The following CLMN variants were observed in gnomAD, a reference collection of about 807,000 sequenced individuals.
CLMN encodes calmin (calponin-like, transmembrane).
CLMN carries 57 observed loss-of-function variants against 92.7 expected under a neutral mutation model. The ratio of observed to expected loss-of-function variants is 0.61; its 90% CI spans 0.50 to 0.77. CLMN has a LOEUF of 0.77. CLMN is among the 30% of genes least tolerant of loss of function. The pLI is 0.00. For synonymous variants in CLMN, 466 were observed against 470.6 expected, an observed-to-expected ratio of 0.99 and a Z score of 0.13; for missense variants, 1,158 against 1,237.5, an observed-to-expected ratio of 0.94 and a Z score of 0.96.
At chr14:95,195,770 A>G (rs530331290) in intron 10 of CLMN, among the ~76,000 whole-genome samples, 18 of 152,048 alleles carry the variant, frequency 1.2e-4, no homozygotes, top group African/African-American at 4.3e-4. Flanking sequence ...TCCTGGGCAC[A>G]GTAAGGGCTT....
At chr14:95,209,518 C>T in intron 7 of CLMN, 41 bp from the exon 8 acceptor site, 1 of 1,461,824 alleles carries the variant, frequency 6.8e-7, no homozygotes, top group Non-Finnish European at 9.6e-7. Flanking sequence ...GATACAAACA[C>T]ACACGCTTTC....
At chr14:95,215,148 A>G (rs142801311) in intron 5 of CLMN, among the ~76,000 whole-genome samples, 31 of 152,296 alleles carry the variant, frequency 2.0e-4, no homozygotes, top group African/African-American at 7.2e-4. Flanking sequence ...TCTTATTCCA[A>G]TCACAGATCC....
intron 1 of CLMN, among the ~76,000 whole-genome samples, chr14:95,244,988 TACAC>T (rs140106985): frequency 1.4e-4 from 19 of 135,918 alleles, no homozygotes; most frequent in Admixed American, 7.0e-4. Context: ...TATATGTGTA[TACAC>T]ACACACACAC....
chr14:95,212,119 C>T (rs1009387608), intron 6 of CLMN, among the ~76,000 whole-genome samples: 2 of 152,212 alleles, frequency 1.3e-5, no homozygotes, highest in Non-Finnish European at 2.9e-5. Context: ...GAAGATCCAA[C>T]CTCTCTTCCC....
At position 95,210,858 on chromosome 14, in the gene CLMN, G is replaced by A. The variant is rs1897178419; in HGVS notation, c.630C>T (p.Asp210=). The change falls in exon 7 of 13, where the codon GAC becomes GAT. Residue 210 remains aspartate, a synonymous_variant. Transcript: ENST00000298912. ...KTRKYGVAVQ[D]FAGSWRSGLA... The stretch of plus-strand genomic sequence containing the variant: ...GCCCACTCCTCCAACTGCCCGCAAA[G>A]TCCTGCACCGCCACGCCATACCTGA... The A allele has an allele frequency of 6.5e-7, 1 of 1,539,406 alleles. No individual in the cohort carries two copies.
intron 1 of CLMN, among the ~76,000 whole-genome samples, chr14:95,253,681 C>T (rs368436523): frequency 6.0e-5 from 9 of 150,770 alleles, no homozygotes; most frequent in Admixed American, 4.0e-4. Context: ...GGCGCGATCT[C>T]GGCTCACTGC....
At chr14:95,247,699 A>G (rs1898624510) in intron 1 of CLMN, among the ~76,000 whole-genome samples, 1 of 152,160 alleles carries the variant, frequency 6.6e-6, no homozygotes, top group Admixed American at 6.5e-5. Context: ...GCAGCCAACA[A>G]TGTGGTCAAT....
At chr14:95,283,175 G>A (rs1475336099) in intron 1 of CLMN, among the ~76,000 whole-genome samples, 2 of 152,350 alleles carry the variant, frequency 1.3e-5, no homozygotes, top group Non-Finnish European at 2.9e-5. Context: ...TGCTATTCTT[G>A]TAATAGTGAA....
At chr14:95,266,213 G>T (rs1183508419) in intron 1 of CLMN, among the ~76,000 whole-genome samples, 1 of 152,172 alleles carries the variant, frequency 6.6e-6, no homozygotes, top group Non-Finnish European at 1.5e-5. Flanking sequence ...GAGCAATTAG[G>T]CAAAAGAAAG....
At chr14:95,233,717 T>C (rs1258869429) in intron 1 of CLMN, among the ~76,000 whole-genome samples, 3 of 152,224 alleles carry the variant, frequency 2.0e-5, no homozygotes, top group Non-Finnish European at 2.9e-5. Context: ...CGTGAGGTAC[T>C]CCTGCAGGGC....
At chr14:95,304,198 T>C (rs1901176238) in intron 1 of CLMN, among the ~76,000 whole-genome samples, 4 of 152,026 alleles carry the variant, frequency 2.6e-5, no homozygotes, top group Admixed American at 1.3e-4. Flanking sequence ...AAATTAGGCA[T>C]GGTGGTGCAT....
intron 1 of CLMN, among the ~76,000 whole-genome samples, chr14:95,244,889 A>G (rs1262777318): frequency 6.6e-6 from 1 of 151,400 alleles, no homozygotes; most frequent in East Asian, 2.0e-4. Flanking sequence ...GGGCAACAGG[A>G]ATCTCATAAC....
chr14:95,222,574 G>A, intron 3 of CLMN: 1 of 455,858 alleles, frequency 2.2e-6, no homozygotes, highest in Non-Finnish European at 4.4e-6. Context: ...GGCCCACCAA[G>A]GACACAGCAG....
At chr14:95,311,766 T>A (rs1480379472) in intron 1 of CLMN, among the ~76,000 whole-genome samples, 1 of 151,914 alleles carries the variant, frequency 6.6e-6, no homozygotes, top group Non-Finnish European at 1.5e-5. Flanking sequence ...CACCACATGC[T>A]CCCCTACCCT....
intron 1 of CLMN, among the ~76,000 whole-genome samples, chr14:95,276,160 T>C (rs1355992877): frequency 2.0e-5 from 3 of 152,138 alleles, no homozygotes; most frequent in African/African-American, 4.8e-5. Context: ...CAGTCCCAAT[T>C]AGCCAACTTT....
At chr14:95,192,239 A>G (rs902984785) in intron 12 of CLMN, 1 of 152,484 alleles carries the variant, frequency 6.6e-6, no homozygotes, top group African/African-American at 2.4e-5. Context: ...TAAATCATCT[A>G]TCAGAAAGAA....
At chr14:95,222,191 G>C (rs183395330) in intron 3 of CLMN, among the ~76,000 whole-genome samples, 39 of 152,314 alleles carry the variant, frequency 2.6e-4, no homozygotes, top group African/African-American at 9.4e-4. Flanking sequence ...AGCACTAGCT[G>C]TCAGCATCAC....
intron 1 of CLMN, among the ~76,000 whole-genome samples, chr14:95,258,022 G>T (rs1271156234): frequency 1.3e-5 from 2 of 151,544 alleles, no homozygotes; most frequent in African/African-American, 4.8e-5. Context: ...TGGGGGCTGT[G>T]GGCATGAGTG....
chr14:95,213,127 A>T, intron 6 of CLMN, 92 bp downstream of exon 6: 1 of 1,385,310 alleles, frequency 7.2e-7, no homozygotes, highest in Non-Finnish European at 1.0e-6. Context: ...GCACATACAT[A>T]ACTGGCACCT....
Sources: allele counts gnomAD v4.1 joint callset (sites outside exome capture counted in the v4.1 genomes callset), GRCh38; gene constraint gnomAD v4.1.1; transcripts MANE v1.5; gene names NCBI Gene and HGNC (gene_info 2026-07-23, HGNC 2026-07-21).